COL24A1: variants seen among roughly 807,000 people sequenced by gnomAD.
The protein encoded by COL24A1 is collagen alpha-1(XXIV) chain.
Under a neutral mutation model 253.9 loss-of-function variants are expected in COL24A1, and 224 were observed. The ratio of observed to expected loss-of-function variants is 0.88; its 90% confidence interval spans 0.79 to 0.99. The LOEUF is 0.99. COL24A1 is among the 50% of genes least tolerant of loss of function. The pLI, the probability that COL24A1 is intolerant of heterozygous loss-of-function variation, is 0.00. For synonymous variants in COL24A1, 685 were observed against 673.7 expected (o/e 1.02, Z -0.26); for missense variants, 2,131 against 2,068.5 (o/e 1.03, Z -0.59).
At chr1:86,129,576 C>T (rs924317277) in intron 2 of COL24A1, among the ~76,000 whole-genome samples, 7 of 151,476 alleles carry the variant, frequency 4.6e-5, no homozygotes, top group Admixed American at 1.3e-4. Context: ...TAGCTGCATC[C>T]CATAGATTTT....
intron 55 of COL24A1, among the ~76,000 whole-genome samples, chr1:85,759,456 G>T (rs2101080033): frequency 6.6e-6 from 1 of 152,218 alleles, no homozygotes; most frequent in Middle Eastern, 3.4e-3. Flanking sequence ...ATGTGTAGGT[G>T]TCTTATTGTC....
intron 19 of COL24A1, among the ~76,000 whole-genome samples, chr1:86,002,350 G>A (rs555273467): frequency 6.6e-6 from 1 of 152,366 alleles, no homozygotes; most frequent in African/African-American, 2.4e-5. Flanking sequence ...GACTACCACA[G>A]CCCCAGTTAC....
intron 55 of COL24A1, among the ~76,000 whole-genome samples, chr1:85,759,815 T>A (rs549809517): frequency 5.9e-5 from 9 of 152,304 alleles, no homozygotes; most frequent in Admixed American, 3.3e-4. Flanking sequence ...GGGATATGTG[T>A]CACACAGTTT....
intron 12 of COL24A1, among the ~76,000 whole-genome samples, chr1:86,038,081 AT>A (rs1450569175): frequency 1.3e-5 from 2 of 152,222 alleles, no homozygotes; most frequent in East Asian, 1.9e-4. Context: ...TGTAAAAAAA[AT>A]CTTATCATGC....
intron 37 of COL24A1, among the ~76,000 whole-genome samples, chr1:85,853,469 TTCCTTTGGGTATATA>T (rs763264646): frequency 1.1e-4 from 17 of 152,214 alleles, no homozygotes; most frequent in Non-Finnish European, 2.2e-4. Context: ...ACAGTTTATA[TTCCTTTGGGTATATA>T]CCCAGTAATG....
chr1:85,729,265 TA>T lies in COL24A1; in HGVS notation c.*1280del, dbSNP rs1452745746. Reference sequence around the variant, plus strand: ...AAGCACATTTTTATTATAGATAGGTTAAGTGTGGTTTGCTGTGGCTAAAGAT... The same window carrying T: ...AAGCACATTTTTATTATAGATAGGTTAGTGTGGTTTGCTGTGGCTAAAGAT... On this transcript the variant is annotated 3_prime_UTR_variant, in exon 60 of 60. Coordinates refer to ENST00000370571, the MANE Select transcript of COL24A1 (RefSeq NM_152890.7). The T allele has an allele frequency of 6.6e-6, 1 of 152,160 alleles. No homozygotes were observed. Among genetic ancestry groups the T allele is most frequent in the African/African-American group, 2.4e-5 (1 of 41,442 alleles). 9.4% of individuals were successfully genotyped at this position (152,160 alleles called of 1,614,324 possible). A position where few individuals can be genotyped will look rare whatever the true frequency, so the allele number is the denominator to read the frequency against.
At chr1:86,062,965 T>C (rs1314753818) in intron 8 of COL24A1, among the ~76,000 whole-genome samples, 1 of 152,062 alleles carries the variant, frequency 6.6e-6, no homozygotes, top group Non-Finnish European at 1.5e-5. Flanking sequence ...GTTTCCTGAG[T>C]CTCTGTGCTG....
At chr1:85,783,979 G>A (rs1040121153) in intron 50 of COL24A1, 134 bp downstream of exon 50, 16 of 592,330 alleles carry the variant, frequency 2.7e-5, no homozygotes, top group African/African-American at 1.5e-4. Context: ...AGATGTATTC[G>A]AAACTCAAAT....
intron 2 of COL24A1, among the ~76,000 whole-genome samples, chr1:86,145,282 G>C (rs1651719327): frequency 1.3e-5 from 2 of 152,002 alleles, no homozygotes; most frequent in Non-Finnish European, 2.9e-5. Flanking sequence ...TGAAAACTTG[G>C]TTCTGTAAGA....
chr1:85,813,137 G>GA (rs146655969), intron 47 of COL24A1, among the ~76,000 whole-genome samples: 22,947 of 146,804 alleles, frequency 0.16, 2,005 homozygotes, highest in East Asian at 0.35. Context: ...AGTGCTAAGT[G>GA]AAAAAAAAAA....
intron 53 of COL24A1, among the ~76,000 whole-genome samples, chr1:85,771,365 T>A (rs1667940103): frequency 6.6e-6 from 1 of 152,088 alleles, no homozygotes; most frequent in African/African-American, 2.4e-5. Context: ...GGTTTTCTGA[T>A]CTTGTGATAG....
chr1:85,764,041 C>G (rs560484883), intron 53 of COL24A1, among the ~76,000 whole-genome samples: 1 of 152,186 alleles, frequency 6.6e-6, no homozygotes, highest in South Asian at 2.1e-4. Flanking sequence ...TTCCTAATGT[C>G]ATTTCCTTTA....
At chr1:85,877,207 T>C in intron 32 of COL24A1, 32 bp from the exon 33 acceptor site, 2 of 1,512,764 alleles carry the variant, frequency 1.3e-6, no homozygotes, top group Admixed American at 1.9e-5. Flanking sequence ...GATATGAGAA[T>C]AAAAGTTTAC....
intron 24 of COL24A1, among the ~76,000 whole-genome samples, chr1:85,917,910 G>T (rs560078436): frequency 6.6e-6 from 1 of 152,116 alleles, no homozygotes; most frequent in Non-Finnish European, 1.5e-5. Context: ...GTTCCACCAT[G>T]TTGGCCAAGC....
At chr1:86,115,270 T>C (rs1571971340) in intron 4 of COL24A1, 55 bp downstream of exon 4, 1 of 1,565,398 alleles carries the variant, frequency 6.4e-7, no homozygotes, top group East Asian at 2.2e-5. Flanking sequence ...AGAAAAAACA[T>C]GTTAGAAAGT....
In COL24A1 at chr1:85,764,905, C is replaced by T. The variant is rs146195766; in HGVS notation, c.4375-3339G>A. Among the ~76,000 whole-genome samples the T allele has an allele frequency of 9.2e-5, 14 of 152,194 alleles. No individual in the cohort carries two copies. The East Asian group carries it at 2.7e-3, about 29-fold the overall frequency. ...CTGGTACCACAGGCATGTGCTTCTG[C>T]ATGACCTACCTCATGTTTTTTATCT... On this transcript the variant is annotated intron_variant, in intron 53 of 59. Coordinates refer to ENST00000370571, the MANE Select transcript of COL24A1 (RefSeq NM_152890.7).
intron 5 of COL24A1, among the ~76,000 whole-genome samples, chr1:86,102,205 C>G (rs114128692): frequency 6.6e-6 from 1 of 151,844 alleles, no homozygotes; most frequent in Non-Finnish European, 1.5e-5. Context: ...CTGATGGTTA[C>G]TTGTATTTCT....
intron 7 of COL24A1, among the ~76,000 whole-genome samples, chr1:86,072,389 G>T (rs1337126994): frequency 1.3e-5 from 2 of 152,148 alleles, no homozygotes; most frequent in Admixed American, 1.3e-4. Context: ...AAACAAAGCT[G>T]CCAGGATGTT....
At chr1:86,102,105 G>A (rs1704514577) in intron 5 of COL24A1, among the ~76,000 whole-genome samples, 1 of 151,672 alleles carries the variant, frequency 6.6e-6, no homozygotes, top group Non-Finnish European at 1.5e-5. Flanking sequence ...TTTCTTCTGG[G>A]TTCATTCTTG....
Sources: allele counts gnomAD v4.1 joint callset (sites outside exome capture counted in the v4.1 genomes callset), GRCh38; gene constraint gnomAD v4.1.1; transcripts MANE v1.5; gene names NCBI Gene and HGNC (gene_info 2026-07-23, HGNC 2026-07-21).